Variants in TPTE2 observed in about 807,000 individuals in gnomAD.
The protein encoded by TPTE2 is phosphatidylinositol 3,4,5-trisphosphate 3-phosphatase TPTE2.
Under a neutral mutation model 78.6 loss-of-function variants are expected in TPTE2, and 53 were observed. That is an observed-to-expected ratio of 0.67 (90% CI 0.54 to 0.85). The LOEUF is 0.85. Ranked by LOEUF, TPTE2 falls within the 40% of genes least tolerant of loss-of-function variation. The probability of loss-of-function intolerance (pLI) is 0.00; values close to 1 mark genes in which losing one functional copy is unlikely to be tolerated. For synonymous variants in TPTE2, 175 were observed against 206.2 expected, an observed-to-expected ratio of 0.85 and a Z score of 1.30; for missense variants, 461 against 623.0, an observed-to-expected ratio of 0.74 and a Z score of 2.77.
chr13:19,493,180 CAA>C (rs71092367), intron 2 of TPTE2, among the ~76,000 whole-genome samples: 416 of 147,144 alleles, frequency 2.8e-3, no homozygotes, highest in South Asian at 7.9e-3. Context: ...AACTCTGTTA[CAA>C]AAAAAAAAAA....
At chr13:19,465,922 C>G (rs187041704) in intron 7 of TPTE2, among the ~76,000 whole-genome samples, 2 of 152,298 alleles carry the variant, frequency 1.3e-5, no homozygotes, top group East Asian at 1.9e-4. Context: ...ACGATAGACT[C>G]TTAGCATTTG....
At chr13:19,510,597 G>A (rs534181044) in intron 1 of TPTE2, among the ~76,000 whole-genome samples, 2 of 152,162 alleles carry the variant, frequency 1.3e-5, no homozygotes, top group South Asian at 2.1e-4. Context: ...CGGTTTGGGG[G>A]TACAAACCTC....
chr13:19,500,485 G>T (rs1341223807), intron 1 of TPTE2, among the ~76,000 whole-genome samples: 1 of 150,856 alleles, frequency 6.6e-6, no homozygotes, highest in Non-Finnish European at 1.5e-5. Flanking sequence ...GGGATGCAAG[G>T]CTGGTTCAAT....
chr13:19,498,009 G>A (rs1214679047), intron 1 of TPTE2, among the ~76,000 whole-genome samples: 3 of 151,462 alleles, frequency 2.0e-5, no homozygotes, highest in Admixed American at 6.6e-5. Flanking sequence ...GAATGCAGAA[G>A]CCTCAGGAGC....
upstream of TPTE2, among the ~76,000 whole-genome samples, chr13:19,541,073 T>C (rs999445990): frequency 6.6e-6 from 1 of 152,182 alleles, no homozygotes; most frequent in Non-Finnish European, 1.5e-5. Flanking sequence ...AGGTGGTTGT[T>C]GGCAGGATTC....
chr13:19,541,729 T>C (rs1871441394), upstream of TPTE2, among the ~76,000 whole-genome samples: 1 of 152,216 alleles, frequency 6.6e-6, no homozygotes. Context: ...TTTTCCTCCA[T>C]TGTTAAATTA....
chr13:19,513,996 G>A (rs982862617), intron 1 of TPTE2, among the ~76,000 whole-genome samples: 1 of 152,128 alleles, frequency 6.6e-6, no homozygotes, highest in South Asian at 2.1e-4. Flanking sequence ...TGATGGCTTT[G>A]AGTTTGGGGC....
the TPTE2 span, among the ~76,000 whole-genome samples, chr13:19,558,241 T>G: frequency 6.6e-6 from 1 of 152,176 alleles, no homozygotes; most frequent in Non-Finnish European, 1.5e-5. Context: ...AAATAAAAAG[T>G]ATTACTAGGG....
At chr13:19,450,368 A>G (rs1163568350) in intron 11 of TPTE2, 24 bp from the exon 15 acceptor site, 8 of 1,584,388 alleles carry the variant, frequency 5.0e-6, no homozygotes, top group East Asian at 2.2e-5. Flanking sequence ...TATGTATGTC[A>G]TATCTCTATA....
At chr13:19,487,196 G>T (rs1031991755) in intron 3 of TPTE2, among the ~76,000 whole-genome samples, 1 of 152,110 alleles carries the variant, frequency 6.6e-6, no homozygotes, top group African/African-American at 2.4e-5. Flanking sequence ...CTGACAGTCT[G>T]CTGGCCAGAG....
intron 19 of TPTE2, 73 bp from the exon 23 acceptor site, chr13:19,423,237 T>TA: frequency 8.3e-7 from 1 of 1,202,858 alleles, no homozygotes; most frequent in Non-Finnish European, 1.1e-6. Context: ...GTACCCACGT[T>TA]AGAGCTGGAA....
intron 5 of TPTE2, among the ~76,000 whole-genome samples, chr13:19,475,085 T>C (rs573100189): frequency 6.6e-6 from 1 of 152,308 alleles, no homozygotes; most frequent in East Asian, 1.9e-4. Flanking sequence ...ATAAATTACA[T>C]TACATTAGAT....
exon 10 of TPTE2, chr13:19,464,481 T>A (rs1226547751): frequency 3.1e-6 from 5 of 1,612,994 alleles, no homozygotes; most frequent in Non-Finnish European, 3.4e-6. Flanking sequence ...ATAGAAAGAC[T>A]GCCTTCCAGA....
At chr13:19,434,101 C>T (rs1357422802) in intron 15 of TPTE2, among the ~76,000 whole-genome samples, 1 of 152,196 alleles carries the variant, frequency 6.6e-6, no homozygotes, top group African/African-American at 2.4e-5. Flanking sequence ...GAGGCACTCA[C>T]TACAAACAAA....
chr13:19,489,492 C>T (rs1880854513), intron 3 of TPTE2, among the ~76,000 whole-genome samples: 1 of 149,952 alleles, frequency 6.7e-6, no homozygotes, highest in Admixed American at 6.7e-5. Flanking sequence ...CATATATATA[C>T]ACATGCTCAT....
intron 1 of TPTE2, among the ~76,000 whole-genome samples, chr13:19,501,931 GAACTCA>G (rs952141319): frequency 1.3e-5 from 2 of 150,570 alleles, no homozygotes; most frequent in Admixed American, 1.3e-4. Context: ...AATCTACAAT[GAACTCA>G]AACAAATTTA....
chr13:19,428,450 GA>G (rs1006670472), intron 17 of TPTE2, among the ~76,000 whole-genome samples: 1 of 150,858 alleles, frequency 6.6e-6, no homozygotes, highest in Admixed American at 6.6e-5. Flanking sequence ...CTCCATCTCA[GA>G]AAAAAAAGAA....
chr13:19,479,850 C>A (rs1880223535), intron 4 of TPTE2, among the ~76,000 whole-genome samples: 1 of 151,786 alleles, frequency 6.6e-6, no homozygotes, highest in Admixed American at 6.6e-5. Context: ...GTAGTCCCAG[C>A]TACTCAGGAG....
intron 10 of TPTE2, among the ~76,000 whole-genome samples, chr13:19,454,709 C>A (rs1878431552): frequency 6.6e-6 from 1 of 152,008 alleles, no homozygotes; most frequent in Non-Finnish European, 1.5e-5. Flanking sequence ...CTGATAGAAA[C>A]CAAGAGTCTA....
Sources: allele counts gnomAD v4.1 joint callset (sites outside exome capture counted in the v4.1 genomes callset), GRCh38; gene constraint gnomAD v4.1.1; transcripts MANE v1.5; gene names NCBI Gene and HGNC (gene_info 2026-07-23, HGNC 2026-07-21).